PFKFB3: variants seen among roughly 807,000 people sequenced by gnomAD.
PFKFB3 encodes 6-phosphofructo-2-kinase/fructose-2,6-bisphosphatase 3.
PFKFB3 carries 33 observed loss-of-function variants against 68.0 expected under a neutral mutation model. The observed-to-expected ratio is 0.49, with a 90% CI of 0.37 to 0.65. The LOEUF (loss-of-function observed/expected upper bound fraction) is 0.65. PFKFB3 is among the 30% of genes least tolerant of loss of function. The probability of loss-of-function intolerance (pLI) is 0.00; values close to 1 mark genes in which losing one functional copy is unlikely to be tolerated. For missense variants in PFKFB3, 586 were observed against 712.2 expected (o/e 0.82, Z 2.02); for synonymous variants, 315 against 288.2 (o/e 1.09, Z -0.94).
At chr10:6,214,940 T>C (rs1844462549) in intron 2 of PFKFB3, among the ~76,000 whole-genome samples, 1 of 152,256 alleles carries the variant, frequency 6.6e-6, no homozygotes, top group Admixed American at 6.5e-5. Flanking sequence ...GTTTAGGATA[T>C]TGTGGGACTG....
At chr10:6,151,557 G>C (rs952817004) in intron 1 of PFKFB3, among the ~76,000 whole-genome samples, 1 of 152,082 alleles carries the variant, frequency 6.6e-6, no homozygotes, top group Non-Finnish European at 1.5e-5. Context: ...GGTGGAGTTG[G>C]TCTGCTGTCG....
chr10:6,231,513 C>A, intron 14 of PFKFB3: 5 of 985,342 alleles, frequency 5.1e-6, no homozygotes, highest in Non-Finnish European at 6.0e-6. Flanking sequence ...GGGTGAAGGA[C>A]GTGGACATCA....
At chr10:6,231,112 C>T (rs966975275) in intron 14 of PFKFB3, 18 of 667,210 alleles carry the variant, frequency 2.7e-5, no homozygotes, top group African/African-American at 3.6e-5. Context: ...GGGGCTGTGC[C>T]GGCTGCTTGG....
At chr10:6,174,827 T>C (rs1359435069) in intron 1 of PFKFB3, among the ~76,000 whole-genome samples, 1 of 151,912 alleles carries the variant, frequency 6.6e-6, no homozygotes, top group East Asian at 1.9e-4. Flanking sequence ...TAATTTTTTT[T>C]TTTTTTTTAA....
At chr10:6,295,170 C>A in the PFKFB3 span, among the ~76,000 whole-genome samples, 1 of 151,998 alleles carries the variant, frequency 6.6e-6, no homozygotes, top group South Asian at 2.1e-4. Flanking sequence ...CCTGTGATGT[C>A]TTGGGTTTTC....
At chr10:6,269,029 A>C in the PFKFB3 span, among the ~76,000 whole-genome samples, 3 of 151,008 alleles carry the variant, frequency 2.0e-5, no homozygotes, top group African/African-American at 7.3e-5. Context: ...GTCTCAAAAA[A>C]AAAAAAAAAA....
Position 6,221,779 on chromosome 10 carries a change from A to G in PFKFB3, c.1083+34A>G, listed in dbSNP as rs1844983104. ...AGGCTGGGGCGGGCTGACGGTCCCC[A>G]GCACACATGACCACTGCTGTGCAGG... On this transcript the variant is annotated intron_variant, in intron 10 of 14. Coordinates refer to ENST00000379775, the MANE Select transcript of PFKFB3 (RefSeq NM_004566.4). The G allele has an allele frequency of 3.5e-6, 5 of 1,416,052 alleles. No individual in the cohort carries two copies. In the African/African-American group the frequency reaches 4.2e-5, roughly 12 times the overall value. The allele number at this position is 1,416,052 out of a possible 1,614,324, so 87.7% of individuals were successfully genotyped here. A position where few individuals can be genotyped will look rare whatever the true frequency, so the allele number is the denominator to read the frequency against.
chr10:6,187,006 T>G (rs564344849), intron 1 of PFKFB3, among the ~76,000 whole-genome samples: 10 of 152,166 alleles, frequency 6.6e-5, no homozygotes, highest in Admixed American at 6.5e-4. Flanking sequence ...CCGCCACGAC[T>G]GAAGCTGGCA....
chr10:6,300,928 G>A, the PFKFB3 span, among the ~76,000 whole-genome samples: 1 of 152,348 alleles, frequency 6.6e-6, no homozygotes, highest in East Asian at 1.9e-4. Context: ...GTGGGTGCCA[G>A]AAATAGAGGA....
At chr10:6,288,192 T>C in the PFKFB3 span, among the ~76,000 whole-genome samples, 1 of 149,916 alleles carries the variant, frequency 6.7e-6, no homozygotes. Context: ...CTGGCTTCTT[T>C]CTTTTTTTTT....
Position 6,155,962 on chromosome 10 carries a change from A to G in PFKFB3, c.16+10949A>G, listed in dbSNP as rs565462505. On this transcript the variant is annotated intron_variant, in intron 1 of 14. Transcript: ENST00000379789. ...TTTATGTTTAGGAGATATGTTCTAC[A>G]TGCACATAGCGAACATCCTACCCAA... Among the ~76,000 whole-genome samples, 138 of 152,242 alleles carry G rather than the reference A, an allele frequency of 9.1e-4. 1 individual carries two copies. The highest frequency in any genetic ancestry group is 3.3e-3 in the African/African-American group (136 of 41,536).
the PFKFB3 span, among the ~76,000 whole-genome samples, chr10:6,267,952 C>G: frequency 4.2e-3 from 60 of 14,286 alleles, no homozygotes; most frequent in Middle Eastern, 0.033. Flanking sequence ...GAGACCCTAT[C>G]TCAAAAAAAA....
the PFKFB3 span, among the ~76,000 whole-genome samples, chr10:6,303,596 C>T: frequency 1.3e-5 from 2 of 151,814 alleles, no homozygotes; most frequent in Non-Finnish European, 2.9e-5. Flanking sequence ...GGGTGGATTA[C>T]GAGGTCAGGA....
chr10:6,240,506 C>A, downstream of PFKFB3, among the ~76,000 whole-genome samples: 1 of 152,012 alleles, frequency 6.6e-6, no homozygotes, highest in East Asian at 1.9e-4. Flanking sequence ...TCAGGTGATC[C>A]GCCCGCCTCA....
chr10:6,277,264 C>T, the PFKFB3 span, among the ~76,000 whole-genome samples: 9 of 151,094 alleles, frequency 6.0e-5, no homozygotes, highest in East Asian at 7.8e-4. Flanking sequence ...GACAGAGTAT[C>T]GCTCTTTCAC....
At chr10:6,148,428 A>G (rs1483108248) in intron 1 of PFKFB3, among the ~76,000 whole-genome samples, 1 of 152,212 alleles carries the variant, frequency 6.6e-6, no homozygotes, top group Non-Finnish European at 1.5e-5. Context: ...CATCTGGGCC[A>G]TGTCCCCTAT....
intron 1 of PFKFB3, among the ~76,000 whole-genome samples, chr10:6,145,644 G>C (rs1159759715): frequency 6.6e-6 from 1 of 151,970 alleles, no homozygotes; most frequent in East Asian, 1.9e-4. Context: ...TCTGACCCCC[G>C]GGCAGTCATT....
chr10:6,145,131 G>A, intron 1 of PFKFB3: 1 of 818,174 alleles, frequency 1.2e-6, no homozygotes, highest in Non-Finnish European at 1.7e-6. Flanking sequence ...CACCCGGGCT[G>A]CGGCGGTGCC....
At chr10:6,177,575 G>C (rs1842565345) in intron 1 of PFKFB3, among the ~76,000 whole-genome samples, 1 of 147,728 alleles carries the variant, frequency 6.8e-6, no homozygotes, top group African/African-American at 2.5e-5. Flanking sequence ...GCCCAGGCTG[G>C]AGTGCAATGG....
Sources: allele counts gnomAD v4.1 joint callset (sites outside exome capture counted in the v4.1 genomes callset), GRCh38; gene constraint gnomAD v4.1.1; transcripts MANE v1.5; gene names NCBI Gene and HGNC (gene_info 2026-07-23, HGNC 2026-07-21).